KIF6: variants seen among roughly 807,000 people sequenced by gnomAD.
KIF6 encodes kinesin family member 6.
Under a neutral mutation model 112.7 loss-of-function variants are expected in KIF6, and 106 were observed. That is an observed-to-expected ratio of 0.94 (90% CI 0.80 to 1.11). The LOEUF is 1.11. KIF6 is among the 50% of genes least tolerant of loss of function. The pLI, the probability that KIF6 is intolerant of heterozygous loss-of-function variation, is 0.00. For synonymous variants in KIF6, 339 were observed against 339.9 expected (o/e 1.00, Z 0.03); for missense variants, 929 against 964.0 (o/e 0.96, Z 0.48).
chr6:39,534,423 C>T (rs546507107), intron 13 of KIF6, among the ~76,000 whole-genome samples: 1 of 152,218 alleles, frequency 6.6e-6, no homozygotes, highest in South Asian at 2.1e-4. Flanking sequence ...ATGCAGAAGC[C>T]TCAGGAGCTG....
intron 3 of KIF6, among the ~76,000 whole-genome samples, chr6:39,649,774 A>AAAAG (rs749514848): frequency 1.0e-5 from 1 of 98,138 alleles, no homozygotes; most frequent in African/African-American, 4.0e-5. Context: ...AGAAAGAAAG[A>AAAAG]AAAGAAACTA....
intron 3 of KIF6, among the ~76,000 whole-genome samples, chr6:39,696,802 C>T (rs1456765282): frequency 1.3e-5 from 2 of 151,830 alleles, no homozygotes; most frequent in Non-Finnish European, 2.9e-5. Flanking sequence ...ACACACACAT[C>T]TCAAAGTATT....
chr6:39,702,882 A>T (rs1293453050), intron 3 of KIF6, among the ~76,000 whole-genome samples: 1 of 66,668 alleles, frequency 1.5e-5, no homozygotes, highest in Non-Finnish European at 3.3e-5. Flanking sequence ...TATAAACAAA[A>T]GGAAGAAATG....
chr6:39,424,233 T>C (rs6908396), intron 14 of KIF6, among the ~76,000 whole-genome samples: 34,099 of 151,936 alleles, frequency 0.22, 5,780 homozygotes, highest in African/African-American at 0.48. Flanking sequence ...CCTAACCCCT[T>C]AGTTTCCACA....
intron 13 of KIF6, among the ~76,000 whole-genome samples, chr6:39,503,849 G>GAAAAAAAAAAAAAA (rs772144009): frequency 4.9e-5 from 4 of 81,892 alleles, no homozygotes; most frequent in Non-Finnish European, 7.5e-5. Flanking sequence ...CAACCAACCA[G>GAAAAAAAAAAAAAA]AAAAAAAAAA....
intron 16 of KIF6, among the ~76,000 whole-genome samples, chr6:39,376,481 G>A (rs1451068298): frequency 1.3e-5 from 2 of 152,298 alleles, no homozygotes; most frequent in East Asian, 1.9e-4. Flanking sequence ...GTCCAACCAC[G>A]TCATTTTACA....
chr6:39,404,875 A>G (rs926438354), intron 15 of KIF6, among the ~76,000 whole-genome samples: 1 of 151,452 alleles, frequency 6.6e-6, no homozygotes, highest in Non-Finnish European at 1.5e-5. Context: ...CAATGTAGAG[A>G]TCTTCCATAT....
At chr6:39,481,978 TTAGAGA>T (rs1774824342) in intron 13 of KIF6, among the ~76,000 whole-genome samples, 2 of 148,982 alleles carry the variant, frequency 1.3e-5, no homozygotes, top group Non-Finnish European at 3.0e-5. Flanking sequence ...CGTTAGTTCC[TTAGAGA>T]TAAAGACAAC....
chr6:39,705,396 A>G (rs1789144584), intron 3 of KIF6, among the ~76,000 whole-genome samples: 1 of 152,238 alleles, frequency 6.6e-6, no homozygotes, highest in East Asian at 1.9e-4. Flanking sequence ...CTGTCCAAAA[A>G]GTACTTCAGG....
At chr6:39,337,405 G>A (rs535123151) in intron 22 of KIF6, among the ~76,000 whole-genome samples, 79 of 150,622 alleles carry the variant, frequency 5.2e-4, no homozygotes, top group Non-Finnish European at 6.4e-4. Context: ...CTCTGCCTCC[G>A]GGGTTCAAGT....
At chr6:39,653,873 A>G (rs1052097956) in intron 3 of KIF6, among the ~76,000 whole-genome samples, 3 of 152,188 alleles carry the variant, frequency 2.0e-5, no homozygotes, top group Non-Finnish European at 2.9e-5. Context: ...TGGTCCTCTG[A>G]AGGCACAGGA....
In KIF6 at chr6:39,544,620, T is replaced by C. The variant is rs767178856; in HGVS notation, c.1361A>G (p.Glu454Gly). 2 of 1,612,246 alleles carry C rather than the reference T, an allele frequency of 1.2e-6. No homozygotes were observed. The highest frequency in any genetic ancestry group is 1.7e-6 in the Non-Finnish European group (2 of 1,178,634). The change falls in exon 12 of 23, where the codon GAA becomes GGA. Residue 454 changes from glutamate to glycine, a missense_variant. This residue lies in a region of KIF6 where 688 missense variants were observed against 662.7 expected (regional missense o/e 1.04). Transcript: ENST00000287152. ...SSESKDQDCQ[E>G]PLKEEEYRKL... Reference sequence around the variant, plus strand: ...TCTATATTCTTCTTCTTTTAATGGTTCTTGACAATCTTGGTCTTTGCTTTC... The same window carrying C: ...TCTATATTCTTCTTCTTTTAATGGTCCTTGACAATCTTGGTCTTTGCTTTC...
At chr6:39,645,595 A>G (rs896585283) in intron 3 of KIF6, among the ~76,000 whole-genome samples, 1 of 152,136 alleles carries the variant, frequency 6.6e-6, no homozygotes, top group Non-Finnish European at 1.5e-5. Flanking sequence ...GATGTTCATC[A>G]GGGATATTGG....
chr6:39,441,178 G>C (rs115712108), intron 13 of KIF6, among the ~76,000 whole-genome samples: 1 of 152,100 alleles, frequency 6.6e-6, no homozygotes, highest in African/African-American at 2.4e-5. Flanking sequence ...AGAAGACATC[G>C]CTGATCAATC....
At chr6:39,713,976 C>T (rs775194485) in intron 3 of KIF6, among the ~76,000 whole-genome samples, 5 of 152,154 alleles carry the variant, frequency 3.3e-5, no homozygotes, top group Non-Finnish European at 7.4e-5. Flanking sequence ...ATGAATGTGT[C>T]TTGGGATTAT....
At chr6:39,659,545 G>A (rs1473960897) in intron 3 of KIF6, among the ~76,000 whole-genome samples, 1 of 152,126 alleles carries the variant, frequency 6.6e-6, no homozygotes, top group Non-Finnish European at 1.5e-5. Context: ...CACGTGTTGT[G>A]GGATGGACCT....
intron 10 of KIF6, among the ~76,000 whole-genome samples, chr6:39,551,982 T>G (rs1022209461): frequency 6.6e-6 from 1 of 152,250 alleles, no homozygotes; most frequent in African/African-American, 2.4e-5. Flanking sequence ...ATGAGACTTT[T>G]GAAAATATAG....
chr6:39,528,840 A>C (rs573590256), intron 13 of KIF6, among the ~76,000 whole-genome samples: 1 of 152,354 alleles, frequency 6.6e-6, no homozygotes, highest in East Asian at 1.9e-4. Flanking sequence ...TCAGAATTCC[A>C]AAATCATTTT....
chr6:39,649,379 T>C (rs1785341475), intron 3 of KIF6, among the ~76,000 whole-genome samples: 1 of 152,164 alleles, frequency 6.6e-6, no homozygotes, highest in Admixed American at 6.5e-5. Context: ...TTAGAAATAG[T>C]TACCCCACAC....
Sources: gnomAD v4.1 joint callset for allele counts (sites outside exome capture counted in the v4.1 genomes callset) on GRCh38, gnomAD v4.1.1 for gene constraint, gnomAD v4.1.1 regional missense constraint, MANE v1.5 for transcripts, NCBI Gene and HGNC (gene_info 2026-07-23, HGNC 2026-07-21) for gene names.